The following LOXHD1 variants were observed in gnomAD, a reference collection of about 807,000 sequenced individuals.
LOXHD1 encodes the protein lipoxygenase homology domain-containing protein 1.
Under a neutral mutation model 248.2 loss-of-function variants are expected in LOXHD1, and 205 were observed. The ratio of observed to expected loss-of-function variants is 0.83; its 90% CI spans 0.74 to 0.93. The LOEUF is 0.93. Among genes scored for constraint, LOXHD1 ranks in the 40% least tolerant of loss-of-function variants. The pLI is 0.00. For missense variants in LOXHD1, 2,930 were observed against 2,971.6 expected, an observed-to-expected ratio of 0.99 and a Z score of 0.33; for synonymous variants, 1,113 against 1,162.8, an observed-to-expected ratio of 0.96 and a Z score of 0.87.
Position 46,538,160 on chromosome 18 carries a change from A to G in LOXHD1, c.4091T>C (p.Val1364Ala). The change falls in exon 26 of 41, where the codon GTA becomes GCA. Residue 1364 changes from valine (V) to alanine (A), a missense_variant. By Grantham distance (64) the Val-to-Ala change is moderately conservative (BLOSUM62 0). Coordinates refer to ENST00000642948, the MANE Select transcript of LOXHD1 (RefSeq NM_001384474.1). ...CAGCCTGCTGAGCCCAAGTACCTCT[A>G]CGATGAAGCGGGAGGCAGACTTCCT... is the stretch of plus-strand genomic sequence containing the variant. ...FERKSASRFI[V>A]ELEDVGEIIE... 1 of 1,532,036 alleles carries G rather than the reference A, an allele frequency of 6.5e-7. No individual in the cohort carries two copies. Among genetic ancestry groups the G allele is most frequent in the East Asian group, 2.5e-5 (1 of 40,306 alleles). 94.9% of individuals were successfully genotyped at this position (1,532,036 alleles called of 1,614,324 possible).
chr18:46,511,086 G>A (rs2034930246), intron 34 of LOXHD1, among the ~76,000 whole-genome samples: 1 of 152,150 alleles, frequency 6.6e-6, no homozygotes, highest in African/African-American at 2.4e-5. Flanking sequence ...GAGATTTTAT[G>A]GTGGGACAGG....
At chr18:46,583,826 C>T (rs1277708595) in intron 12 of LOXHD1, among the ~76,000 whole-genome samples, 1 of 137,472 alleles carries the variant, frequency 7.3e-6, no homozygotes, top group Non-Finnish European at 1.6e-5. Context: ...ATCCAATAAT[C>T]CCATTACTGG....
intron 22 of LOXHD1, 50 bp downstream of exon 22, chr18:46,546,845 G>C (rs1227900966): frequency 1.3e-6 from 2 of 1,519,610 alleles, no homozygotes; most frequent in Non-Finnish European, 1.8e-6. Flanking sequence ...GTTAGGGAGA[G>C]GCAGAGGGGA....
rs760464754 is a variant in LOXHD1 at position 46,601,265 on chromosome 18, G to A, written c.1086C>T (p.Ser362=). The change falls in exon 8 of 41, where the codon TCC becomes TCT. Residue 362 remains serine, a synonymous_variant. Coordinates refer to ENST00000642948, the MANE Select transcript of LOXHD1 (RefSeq NM_001384474.1). ...TGACACCCACATTGCCATGCCCGAC[G>A]GAGACCCGACTCAGGGGGCTAAGGA... ...AVLLSPLSRV[S]VGHGNVGVNR... is the part of the protein sequence containing the mutation. The A allele has an allele frequency of 2.6e-6, 4 of 1,551,688 alleles. No individual in the cohort carries two copies. Among genetic ancestry groups the A allele is most frequent in the Non-Finnish European group, 2.6e-6 (3 of 1,146,998 alleles).
At chr18:46,501,031 G>T (rs1445931203) in intron 37 of LOXHD1, among the ~76,000 whole-genome samples, 1 of 151,972 alleles carries the variant, frequency 6.6e-6, no homozygotes, top group Admixed American at 6.6e-5. Flanking sequence ...TTGCTAGAAG[G>T]GCATCCAGAT....
At chr18:46,643,395 G>A (rs193103850) in intron 2 of LOXHD1, among the ~76,000 whole-genome samples, 3 of 152,192 alleles carry the variant, frequency 2.0e-5, no homozygotes, top group African/African-American at 2.4e-5. Flanking sequence ...TAAAGACAGA[G>A]AATGTCGACT....
intron 16 of LOXHD1, among the ~76,000 whole-genome samples, 155 bp from the exon 17 acceptor site, chr18:46,566,604 G>GCCC (rs1271329921): frequency 6.6e-6 from 1 of 152,128 alleles, no homozygotes; most frequent in Non-Finnish European, 1.5e-5. Flanking sequence ...TCCCATTCCT[G>GCCC]CCCCACCATC....
intron 5 of LOXHD1, among the ~76,000 whole-genome samples, chr18:46,612,311 A>G (rs2038520228): frequency 6.6e-6 from 1 of 152,186 alleles, no homozygotes; most frequent in Non-Finnish European, 1.5e-5. Context: ...TGCAAAATTT[A>G]CCTCCAAAAA....
intron 7 of LOXHD1, among the ~76,000 whole-genome samples, chr18:46,603,268 A>C (rs1348454911): frequency 1.3e-5 from 2 of 152,106 alleles, no homozygotes; most frequent in East Asian, 3.9e-4. Context: ...AGAGAGAGAA[A>C]GAGCAAGGCA....
At chr18:46,494,139 T>C (rs1054835859) in intron 37 of LOXHD1, among the ~76,000 whole-genome samples, 3 of 152,176 alleles carry the variant, frequency 2.0e-5, no homozygotes, top group Admixed American at 2.0e-4. Flanking sequence ...AGCACAGACA[T>C]CTTGAGAAAT....
chr18:46,497,902 A>G (rs2033975804), intron 37 of LOXHD1, among the ~76,000 whole-genome samples: 1 of 152,214 alleles, frequency 6.6e-6, no homozygotes, highest in African/African-American at 2.4e-5. Flanking sequence ...AGATATAATC[A>G]TGGCAGGATG....
At chr18:46,575,106 T>A (rs185978241) in intron 14 of LOXHD1, among the ~76,000 whole-genome samples, 2 of 152,208 alleles carry the variant, frequency 1.3e-5, no homozygotes, top group East Asian at 3.9e-4. Context: ...ACCAAACACA[T>A]CCCAACTAGA....
chr18:46,518,558 A>G (rs1217248166), intron 33 of LOXHD1, among the ~76,000 whole-genome samples: 1 of 152,272 alleles, frequency 6.6e-6, no homozygotes, highest in African/African-American at 2.4e-5. Flanking sequence ...AAGTCCAGGC[A>G]TGCCAGCAGC....
chr18:46,645,309 C>T (rs564284768), intron 2 of LOXHD1, among the ~76,000 whole-genome samples: 2 of 152,224 alleles, frequency 1.3e-5, no homozygotes, highest in Non-Finnish European at 2.9e-5. Context: ...TCGATTCTCA[C>T]ATAAAGGCTA....
At chr18:46,585,292 A>G (rs569410293) in intron 12 of LOXHD1, among the ~76,000 whole-genome samples, 4 of 152,308 alleles carry the variant, frequency 2.6e-5, no homozygotes, top group Admixed American at 2.0e-4. Context: ...ATGTATTTAT[A>G]AAATCATAAG....
In LOXHD1 at chr18:46,610,855, G is replaced by A. The variant is rs2144311857; in HGVS notation, c.680C>T (p.Ala227Val). The A allele has an allele frequency of 6.4e-7, 1 of 1,551,752 alleles. No homozygotes were observed. The highest frequency in any genetic ancestry group is 8.7e-7 in the Non-Finnish European group (1 of 1,147,010). The part of the protein sequence containing the change: ...KGAEDRFILD[A>V]PDLGQLMKIN... ...CTTCATCAGCTGCCCCAAATCCGGG[G>A]CATCCAGGATGAACCTGTCTTCAGC... The change falls in exon 6 of 41, where the codon GCC becomes GTC. Residue 227 changes from alanine to valine, a missense_variant. By Grantham distance (64) the Ala-to-Val change is moderately conservative (BLOSUM62 0). Transcript: ENST00000642948.
rs17690358 is a variant in LOXHD1 at position 46,559,258 on chromosome 18, C to T, written c.3216+190G>A. 138,600 of 1,522,066 alleles carry T rather than the reference C, an allele frequency of 0.091. 6,792 individuals carry two copies. The highest frequency in any genetic ancestry group is 0.14 in the Admixed American group (7,101 of 50,424). The allele number at this position is 1,522,066 out of a possible 1,614,324, so 94.3% of individuals were successfully genotyped here. ...ATGGGCTCTAGGTGCTGGGGCCCTG[C>T]CTGCAATTCTCTCATAACCCCTCCA... On this transcript the variant is annotated intron_variant, in intron 20 of 40. Coordinates refer to ENST00000642948, the MANE Select transcript of LOXHD1 (RefSeq NM_001384474.1).
At position 46,629,792 on chromosome 18, in the gene LOXHD1, T is replaced by TAAA. The variant is rs774591794; in HGVS notation, c.511+9821_511+9823dup. Among the ~76,000 whole-genome samples the TAAA allele has an allele frequency of 6.5e-3, 819 of 126,718 alleles. 9 individuals are homozygous for TAAA. The highest frequency in any genetic ancestry group is 0.011 in the Middle Eastern group (3 of 276). 83.1% of individuals were successfully genotyped at this position (126,718 alleles called of 152,430 possible). On this transcript the variant is annotated intron_variant, in intron 4 of 40. Transcript: ENST00000642948. ...CAGCTCCAGCTTTCTCACTGGGCATTAAAAAAAAAAAAAAAGAAAAAAAGA... is the reference window on the plus strand; with the variant it reads ...CAGCTCCAGCTTTCTCACTGGGCATTAAAAAAAAAAAAAAAAAAGAAAAAAAGA...
At chr18:46,630,507 C>G (rs2038806220) in intron 4 of LOXHD1, among the ~76,000 whole-genome samples, 1 of 152,184 alleles carries the variant, frequency 6.6e-6, no homozygotes, top group Admixed American at 6.5e-5. Context: ...CCTTCAAGAC[C>G]CAATATGAGG....
Sources: allele counts gnomAD v4.1 joint callset (sites outside exome capture counted in the v4.1 genomes callset), GRCh38; gene constraint gnomAD v4.1.1; transcripts MANE v1.5; gene names NCBI Gene and HGNC (gene_info 2026-07-23, HGNC 2026-07-21).